ITSN1: variants seen among roughly 807,000 people sequenced by gnomAD.
ITSN1 encodes intersectin 1, also known as intersectin-1.
In ITSN1, 58 loss-of-function variants were observed where a neutral mutation model predicts 239.8. The observed-to-expected ratio is 0.24, with a 90% confidence interval of 0.20 to 0.30. The LOEUF is 0.30. Ranked by LOEUF, ITSN1 falls within the 10% of genes least tolerant of loss-of-function variation. The pLI, the probability that ITSN1 is intolerant of heterozygous loss-of-function variation, is 1.00. For synonymous variants in ITSN1, 780 were observed against 770.8 expected (o/e 1.01, Z -0.20); for missense variants, 1,558 against 2,103.3 (o/e 0.74, Z 5.07).
intron 14 of ITSN1, among the ~76,000 whole-genome samples, 187 bp from the exon 15 acceptor site, chr21:33,781,274 A>C (rs538926902): frequency 6.6e-6 from 1 of 152,274 alleles, no homozygotes; most frequent in African/African-American, 2.4e-5. Context: ...AGGGAAAAGC[A>C]TTTGGCAAAC....
At chr21:33,677,686 A>G (rs76082703) in intron 1 of ITSN1, among the ~76,000 whole-genome samples, 5,481 of 152,162 alleles carry the variant, frequency 0.036, 291 homozygotes, top group African/African-American at 0.12. Flanking sequence ...CGCACACCCC[A>G]GTCCTTTCTC....
intron 1 of ITSN1, among the ~76,000 whole-genome samples, chr21:33,645,974 C>T (rs2087905386): frequency 6.6e-6 from 1 of 152,192 alleles, no homozygotes; most frequent in Non-Finnish European, 1.5e-5. Context: ...TTGGTTCACC[C>T]CTCTACCTCC....
Position 33,886,423 on chromosome 21 carries a change from C to T in ITSN1, c.4980C>T (p.Cys1660=), listed in dbSNP as rs140918080. 1.6e-5 allele frequency: 26 copies of T among 1,611,070 alleles called. No homozygotes were observed. The African/African-American group carries it at 2.0e-4, about 12-fold the overall frequency. ...GAGACCTGGAGCAGGAAGTCCTCTG[C>T]ATCACTGTGTTCGAGAGGGACCAGT... ...FIRDLEQEVL[C]ITVFERDQFS... is the part of the protein sequence containing the mutation. Residue 1660 remains cysteine (C), a synonymous_variant, in exon 39 of 40, where the codon TGC becomes TGT. Transcript: ENST00000381318.
At chr21:33,664,122 G>C (rs932210417) in intron 1 of ITSN1, among the ~76,000 whole-genome samples, 1 of 152,180 alleles carries the variant, frequency 6.6e-6, no homozygotes, top group East Asian at 1.9e-4. Context: ...TGCTGTAATA[G>C]AATATCTGAG....
chr21:33,872,922 G>T (rs546375315), intron 33 of ITSN1, among the ~76,000 whole-genome samples: 2 of 152,292 alleles, frequency 1.3e-5, no homozygotes, highest in South Asian at 4.1e-4. Flanking sequence ...TGATAAACCT[G>T]TTTGAATTTT....
intron 1 of ITSN1, among the ~76,000 whole-genome samples, chr21:33,664,847 C>G (rs998673356): frequency 6.6e-6 from 1 of 152,216 alleles, no homozygotes; most frequent in Non-Finnish European, 1.5e-5. Flanking sequence ...TATGACCTCT[C>G]TTAATTTCTC....
At chr21:33,806,474 T>C (rs1449994846) in intron 20 of ITSN1, among the ~76,000 whole-genome samples, 1 of 152,246 alleles carries the variant, frequency 6.6e-6, no homozygotes, top group Non-Finnish European at 1.5e-5. Context: ...CTAATGAAGA[T>C]GGCAGCCATG....
chr21:33,648,676 C>T (rs906414770), intron 1 of ITSN1, among the ~76,000 whole-genome samples: 11 of 152,012 alleles, frequency 7.2e-5, no homozygotes, highest in Admixed American at 4.6e-4. Context: ...CAAGACCCTA[C>T]AAAAAATTTT....
chr21:33,654,079 A>G (rs1299051588), intron 1 of ITSN1, among the ~76,000 whole-genome samples: 1 of 146,422 alleles, frequency 6.8e-6, no homozygotes, highest in Non-Finnish European at 1.5e-5. Flanking sequence ...CTTTTGTCTC[A>G]CTCTGTCACC....
At chr21:33,769,118 T>C (rs1277212964) in intron 11 of ITSN1, among the ~76,000 whole-genome samples, 1 of 152,118 alleles carries the variant, frequency 6.6e-6, no homozygotes, top group African/African-American at 2.4e-5. Context: ...TGAAGATGAA[T>C]AGGGTCACCA....
intron 36 of ITSN1, among the ~76,000 whole-genome samples, chr21:33,884,613 G>A (rs1258997846): frequency 1.3e-5 from 2 of 152,230 alleles, no homozygotes; most frequent in African/African-American, 2.4e-5. Flanking sequence ...CCCCCAAGGC[G>A]TTTTGGTCTT....
At chr21:33,721,506 G>A (rs1289724488) in intron 3 of ITSN1, among the ~76,000 whole-genome samples, 1 of 152,070 alleles carries the variant, frequency 6.6e-6, no homozygotes, top group Non-Finnish European at 1.5e-5. Context: ...TATGGGAATT[G>A]GTTAAGATCA....
At chr21:33,842,238 A>C (rs1459002151) in intron 29 of ITSN1, among the ~76,000 whole-genome samples, 1 of 152,156 alleles carries the variant, frequency 6.6e-6, no homozygotes, top group African/African-American at 2.4e-5. Context: ...AGGAAAAACC[A>C]GGCTTCCAGA....
At position 33,642,617 on chromosome 21, in the gene ITSN1, T is replaced by C. The variant is rs1177134015; in HGVS notation, c.-129T>C. 1 of 151,834 alleles carries C rather than the reference T, an allele frequency of 6.6e-6. No homozygotes were observed. Among genetic ancestry groups the C allele is most frequent in the Admixed American group, 6.6e-5 (1 of 15,196 alleles). 9.4% of individuals were successfully genotyped at this position (151,834 alleles called of 1,614,324 possible). On this transcript the variant is annotated 5_prime_UTR_variant, in exon 1 of 40. The change abolishes an upstream ATG in the 5' untranslated region. Coordinates refer to ENST00000381318, the MANE Select transcript of ITSN1 (RefSeq NM_003024.3). ...GGACGGACAGAGAGGCGGGCGGGGATGGTGTGCGGGGCTGCGGCTCCTGCG... is the reference window on the plus strand; with the variant it reads ...GGACGGACAGAGAGGCGGGCGGGGACGGTGTGCGGGGCTGCGGCTCCTGCG...
chr21:33,791,119 T>C (rs1259200171), intron 16 of ITSN1, among the ~76,000 whole-genome samples: 1 of 152,240 alleles, frequency 6.6e-6, no homozygotes, highest in African/African-American at 2.4e-5. Flanking sequence ...GCTTATCAAC[T>C]TAGAAATCAT....
intron 1 of ITSN1, among the ~76,000 whole-genome samples, chr21:33,714,565 G>C (rs1294699242): frequency 6.6e-6 from 1 of 152,160 alleles, no homozygotes; most frequent in African/African-American, 2.4e-5. Context: ...TTATATTTAT[G>C]TTTGCTGTGA....
At chr21:33,679,990 G>A (rs940439869) in intron 1 of ITSN1, among the ~76,000 whole-genome samples, 2 of 152,092 alleles carry the variant, frequency 1.3e-5, no homozygotes, top group African/African-American at 2.4e-5. Context: ...GAGACACCGC[G>A]CCCAGCCCAT....
At position 33,898,514 on chromosome 21, in the gene ITSN1, AAGG is replaced by A. The variant is rs1986914501; in HGVS notation, c.*10219_*10221del. 2 of 152,224 alleles carry A rather than the reference AAGG, an allele frequency of 1.3e-5. No homozygotes were observed. The highest frequency in any genetic ancestry group is 4.8e-5 in the African/African-American group (2 of 41,456). 9.4% of individuals were successfully genotyped at this position (152,224 alleles called of 1,614,324 possible). ...ACCAGAAGTGCCCCTTAGGCCACCTAAGGAGGATTCTGTGAAACTCAATGTCTA... is the reference window on the plus strand; with the variant it reads ...ACCAGAAGTGCCCCTTAGGCCACCTAAGGATTCTGTGAAACTCAATGTCTA... On this transcript the variant is annotated 3_prime_UTR_variant, in exon 40 of 40. Coordinates refer to ENST00000381318, the MANE Select transcript of ITSN1 (RefSeq NM_003024.3).
intron 5 of ITSN1, among the ~76,000 whole-genome samples, chr21:33,744,466 CTATT>C (rs973368119): frequency 1.3e-5 from 2 of 152,324 alleles, no homozygotes; most frequent in South Asian, 2.1e-4. Flanking sequence ...ATCTATCCAT[CTATT>C]TGTCTCCTAG....
Sources: gnomAD v4.1 joint callset for allele counts (sites outside exome capture counted in the v4.1 genomes callset) on GRCh38, gnomAD v4.1.1 for gene constraint, MANE v1.5 for transcripts, NCBI Gene and HGNC (gene_info 2026-07-23, HGNC 2026-07-21) for gene names.